The following IL1R2 variants were observed in gnomAD, a reference collection of about 807,000 sequenced individuals.
IL1R2 encodes the protein interleukin 1 receptor type 2.
In IL1R2, 46 loss-of-function variants were observed where a neutral mutation model predicts 39.5. That is an observed-to-expected ratio of 1.16 (90% confidence interval 0.92 to 1.49). The LOEUF (loss-of-function observed/expected upper bound fraction) is 1.49. Among genes scored for constraint, IL1R2 ranks in the 40% most tolerant of loss-of-function variants. The pLI, the probability that IL1R2 is intolerant of heterozygous loss-of-function variation, is 0.00. For missense variants in IL1R2, 537 were observed against 502.0 expected (o/e 1.07, Z -0.67); for synonymous variants, 207 against 189.6 (o/e 1.09, Z -0.75).
intron 1 of IL1R2, among the ~76,000 whole-genome samples, chr2:102,004,006 T>TGTCTATGTCTATGTCTATGTCTAC: frequency 7.2e-6 from 1 of 138,686 alleles, no homozygotes; most frequent in Non-Finnish European, 1.5e-5. Context: ...TCTATGTCTA[T>TGTCTATGTCTATGTCTATGTCTAC]GTCTATGTCT....
At chr2:102,000,211 C>CT (rs1158468670) in intron 1 of IL1R2, among the ~76,000 whole-genome samples, 1 of 152,196 alleles carries the variant, frequency 6.6e-6, no homozygotes, top group Non-Finnish European at 1.5e-5. Flanking sequence ...TTGTTGAACA[C>CT]TTTCTTTTTG....
chr2:101,996,391 T>C (rs1675588050), intron 1 of IL1R2, among the ~76,000 whole-genome samples: 1 of 151,658 alleles, frequency 6.6e-6, no homozygotes, highest in South Asian at 2.1e-4. Context: ...CCAGCAAATC[T>C]GGGCTATCTT....
At chr2:102,002,371 T>C (rs1042118646) in intron 1 of IL1R2, among the ~76,000 whole-genome samples, 1 of 151,816 alleles carries the variant, frequency 6.6e-6, no homozygotes, top group African/African-American at 2.4e-5. Flanking sequence ...TGTCTGTGTG[T>C]ATGTCTAAGT....
chr2:102,008,346 T>C (rs1171208328), intron 1 of IL1R2, among the ~76,000 whole-genome samples, 169 bp from the exon 2 acceptor site: 1 of 152,248 alleles, frequency 6.6e-6, no homozygotes, highest in African/African-American at 2.4e-5. Flanking sequence ...TCAGTGAATA[T>C]AGCTGCAGAG....
intron 1 of IL1R2, among the ~76,000 whole-genome samples, chr2:102,006,920 G>A (rs928471935): frequency 2.0e-5 from 3 of 152,208 alleles, no homozygotes; most frequent in East Asian, 1.9e-4. Flanking sequence ...TTCCAGTTTC[G>A]CCATCCCCAA....
At chr2:102,013,524 CAAAAAAAAAAAAA>C (rs771727938) in intron 3 of IL1R2, among the ~76,000 whole-genome samples, 1 of 5,688 alleles carries the variant, frequency 1.8e-4, no homozygotes, top group Non-Finnish European at 3.0e-4. Flanking sequence ...TCTATCACTG[CAAAAAAAAAAAAA>C]AAAAAAAAAA....
chr2:102,004,989 C>A lies in IL1R2; in HGVS notation c.-61-3526C>A, dbSNP rs76208135. On this transcript the variant is annotated intron_variant, in intron 1 of 8. Coordinates refer to ENST00000332549, the MANE Select transcript of IL1R2 (RefSeq NM_004633.4). ...CTGGAACAGGATCCTTGTTGAAACA[C>A]TTCTTCTCACCCATCCAGCCATATC... Among the ~76,000 whole-genome samples, 441 of 152,324 alleles carry A rather than the reference C, an allele frequency of 2.9e-3. 10 individuals are homozygous for A. The East Asian group carries it at 0.042, about 15-fold the overall frequency.
At chr2:102,011,183 G>C (rs1169549223) in intron 3 of IL1R2, among the ~76,000 whole-genome samples, 1 of 152,166 alleles carries the variant, frequency 6.6e-6, no homozygotes, top group Non-Finnish European at 1.5e-5. Flanking sequence ...CAGCTATTGT[G>C]AATCCAATAT....
chr2:102,008,086 G>A (rs1367627617), intron 1 of IL1R2, among the ~76,000 whole-genome samples: 1 of 152,184 alleles, frequency 6.6e-6, no homozygotes, highest in Non-Finnish European at 1.5e-5. Flanking sequence ...TGACAGGGAA[G>A]GGAAGGAAAA....
In IL1R2 at chr2:102,016,578, T is replaced by C. The variant is rs984589383; in HGVS notation, c.513+527T>C. 9 of 153,700 alleles carry C rather than the reference T, an allele frequency of 5.9e-5. No individual in the cohort carries two copies. The South Asian group carries it at 1.6e-3, about 28-fold the overall frequency. The allele number at this position is 153,700 out of a possible 1,614,324, so 9.5% of individuals were successfully genotyped here. On this transcript the variant is annotated intron_variant, in intron 4 of 8. Coordinates refer to ENST00000332549, the MANE Select transcript of IL1R2 (RefSeq NM_004633.4). Reference sequence around the variant, plus strand: ...CGCCTAGGAGCAGCAGGCTGTATCATGTCACTTAGGTGTGTAGGAGGCTCT... The same window carrying C: ...CGCCTAGGAGCAGCAGGCTGTATCACGTCACTTAGGTGTGTAGGAGGCTCT...
intron 3 of IL1R2, among the ~76,000 whole-genome samples, chr2:102,010,459 C>T (rs560167486): frequency 7.9e-5 from 12 of 152,088 alleles, no homozygotes; most frequent in African/African-American, 2.9e-4. Flanking sequence ...GCCTGTAGTC[C>T]CAGCTACTCA....
At chr2:102,006,908 G>A (rs970550209) in intron 1 of IL1R2, among the ~76,000 whole-genome samples, 2 of 152,166 alleles carry the variant, frequency 1.3e-5, no homozygotes, top group South Asian at 2.1e-4. Flanking sequence ...TGGCCGCATC[G>A]TTTCCAGTTT....
intron 3 of IL1R2, among the ~76,000 whole-genome samples, chr2:102,013,552 A>AAAAAG (rs35196105): frequency 2.2e-5 from 2 of 90,082 alleles, no homozygotes; most frequent in Non-Finnish European, 4.2e-5. Context: ...AAAAAAAAAA[A>AAAAAG]GGAAAGAAAG....
chr2:102,026,669 A>G (rs1053266130), intron 8 of IL1R2, among the ~76,000 whole-genome samples: 7 of 152,210 alleles, frequency 4.6e-5, no homozygotes, highest in African/African-American at 1.2e-4. Flanking sequence ...GGTTCAGGGC[A>G]GCTTTAGGGT....
chr2:102,025,630 T>C (rs553374252), intron 7 of IL1R2, among the ~76,000 whole-genome samples: 2 of 152,332 alleles, frequency 1.3e-5, no homozygotes, highest in African/African-American at 4.8e-5. Flanking sequence ...GCCACAGCCA[T>C]TCCCCTGGGC....
At chr2:102,024,124 A>G (rs1677578900) in intron 6 of IL1R2, among the ~76,000 whole-genome samples, 1 of 152,158 alleles carries the variant, frequency 6.6e-6, no homozygotes. Flanking sequence ...GTCATCTGGG[A>G]ATGGAGAGTT....
chr2:102,015,581 T>C (rs1258901523), intron 3 of IL1R2, among the ~76,000 whole-genome samples: 3 of 152,222 alleles, frequency 2.0e-5, no homozygotes, highest in African/African-American at 7.2e-5. Context: ...AGCCTACAGC[T>C]GGGCAAAGTC....
chr2:102,001,745 T>C (rs1219999562), intron 1 of IL1R2, among the ~76,000 whole-genome samples: 1 of 152,226 alleles, frequency 6.6e-6, no homozygotes, highest in East Asian at 1.9e-4. Flanking sequence ...AAATACATTC[T>C]ATATTGTTTC....
At chr2:102,012,808 G>A (rs1010192642) in intron 3 of IL1R2, among the ~76,000 whole-genome samples, 3 of 152,132 alleles carry the variant, frequency 2.0e-5, no homozygotes, top group Admixed American at 2.0e-4. Flanking sequence ...TTTCTCTAAG[G>A]AGTACTACTA....
Sources: allele counts gnomAD v4.1 joint callset (sites outside exome capture counted in the v4.1 genomes callset), GRCh38; gene constraint gnomAD v4.1.1; transcripts MANE v1.5; gene names NCBI Gene and HGNC (gene_info 2026-07-23, HGNC 2026-07-21).